The following NOVA1 variants were observed in gnomAD, a reference collection of about 807,000 sequenced individuals.
NOVA1 encodes NOVA alternative splicing regulator 1.
NOVA1 carries 7 observed loss-of-function variants against 38.0 expected under a neutral mutation model. The observed-to-expected ratio is 0.18, with a 90% CI of 0.10 to 0.35. NOVA1 has a LOEUF of 0.35. NOVA1 is among the 10% of genes least tolerant of loss of function. The pLI is 1.00. For synonymous variants in NOVA1, 270 were observed against 232.5 expected, an observed-to-expected ratio of 1.16 and a Z score of -1.47; for missense variants, 460 against 616.0, an observed-to-expected ratio of 0.75 and a Z score of 2.68.
rs1251536787 is a variant in NOVA1, at chr14:26,445,500, G to C, written c.*2459C>G. 6.6e-6 allele frequency: 1 copy of C among 152,068 alleles called. No homozygotes were observed. Among genetic ancestry groups the C allele is most frequent in the Non-Finnish European group, 1.5e-5 (1 of 68,016 alleles). 9.4% of individuals were successfully genotyped at this position (152,068 alleles called of 1,614,324 possible). ...AAAATTCCCATTTACAATTAAAATTGAACTAAGTGCATTTTCAGCAACACT... is the reference window on the plus strand; with the variant it reads ...AAAATTCCCATTTACAATTAAAATTCAACTAAGTGCATTTTCAGCAACACT... On this transcript the variant is annotated 3_prime_UTR_variant, in exon 5 of 5. Transcript: ENST00000539517.
chr14:26,587,583 T>C (rs9323839), intron 2 of NOVA1, among the ~76,000 whole-genome samples: 2 of 150,768 alleles, frequency 1.3e-5, no homozygotes, highest in East Asian at 3.9e-4. Context: ...AAAGAAATCA[T>C]CATCATAGAA....
intron 2 of NOVA1, among the ~76,000 whole-genome samples, chr14:26,529,978 G>A (rs537754518): frequency 1.3e-5 from 2 of 152,166 alleles, no homozygotes; most frequent in South Asian, 2.1e-4. Context: ...GGAGAGCAGT[G>A]GCGCGATCTC....
Position 26,447,967 on chromosome 14 carries a change from C to T in NOVA1, c.1516G>A (p.Val506Met). ...QGVRAANPQK[V>M]G ...ATGTGTAACTGGGGCACTCAACCCA[C>T]TTTCTGAGGATTGGCAGCCCGAACT... The change falls in exon 5 of 5, where the codon GTG becomes ATG. Residue 506 changes from valine to methionine, a missense_variant. Physicochemically the swap from Val to Met is conservative, Grantham distance 21. Transcript: ENST00000539517. 2 of 1,613,896 alleles carry T rather than the reference C, an allele frequency of 1.2e-6. No homozygotes were observed. The highest frequency in any genetic ancestry group is 8.5e-7 in the Non-Finnish European group (1 of 1,179,834).
chr14:26,474,182 A>C (rs1884800808), intron 3 of NOVA1, among the ~76,000 whole-genome samples: 1 of 152,042 alleles, frequency 6.6e-6, no homozygotes, highest in Non-Finnish European at 1.5e-5. Flanking sequence ...AGTATGTGTT[A>C]AATCTAGAGA....
intron 2 of NOVA1, among the ~76,000 whole-genome samples, chr14:26,497,949 AG>A (rs1403267012): frequency 1.3e-5 from 2 of 152,250 alleles, no homozygotes; most frequent in African/African-American, 4.8e-5. Context: ...TTAAATTATC[AG>A]ACCAAATTAT....
At chr14:26,491,660 C>T (rs182274051) in intron 2 of NOVA1, among the ~76,000 whole-genome samples, 25 of 152,250 alleles carry the variant, frequency 1.6e-4, no homozygotes, top group Admixed American at 3.9e-4. Context: ...TCCACTCTTG[C>T]ATGTGGAAAT....
intron 2 of NOVA1, among the ~76,000 whole-genome samples, chr14:26,487,094 C>T (rs1425195642): frequency 6.6e-6 from 1 of 152,032 alleles, no homozygotes; most frequent in Non-Finnish European, 1.5e-5. Context: ...GCAAAAGTCT[C>T]ATTTATGAGT....
intron 2 of NOVA1, among the ~76,000 whole-genome samples, chr14:26,547,918 T>C (rs1890896447): frequency 6.6e-6 from 1 of 152,086 alleles, no homozygotes; most frequent in Non-Finnish European, 1.5e-5. Context: ...TAAGCCTCAT[T>C]ACAATATGAG....
chr14:26,504,921 C>T (rs903672724), intron 2 of NOVA1, among the ~76,000 whole-genome samples: 3 of 152,114 alleles, frequency 2.0e-5, no homozygotes, highest in African/African-American at 4.8e-5. Flanking sequence ...TAATTTTTTG[C>T]ACTCTCTCTT....
At chr14:26,463,080 G>T (rs1883823472) in intron 4 of NOVA1, among the ~76,000 whole-genome samples, 1 of 152,110 alleles carries the variant, frequency 6.6e-6, no homozygotes, top group Non-Finnish European at 1.5e-5. Flanking sequence ...AGTTTATGCA[G>T]ATCTAACTCA....
At chr14:26,460,642 C>T (rs1883582554) in intron 4 of NOVA1, among the ~76,000 whole-genome samples, 1 of 151,662 alleles carries the variant, frequency 6.6e-6, no homozygotes, top group Admixed American at 6.6e-5. Flanking sequence ...CGGAAAAATT[C>T]AATGATAAAA....
rs1882088130 is a variant in NOVA1, at chr14:26,446,531, A to C, written c.*1428T>G. The C allele has an allele frequency of 1.3e-5, 2 of 152,718 alleles. No homozygotes were observed. The highest frequency in any genetic ancestry group is 6.5e-5 in the Admixed American group (1 of 15,276). 9.5% of individuals were successfully genotyped at this position (152,718 alleles called of 1,614,324 possible). A position where few individuals can be genotyped will look rare whatever the true frequency, so the allele number is the denominator to read the frequency against. On this transcript the variant is annotated 3_prime_UTR_variant, in exon 5 of 5. Transcript: ENST00000539517. ...TCAGTTGCTCAGCCAGATGATCCAG[A>C]GGTAGCCAGCATTTTATTTTTGTCC...
intron 2 of NOVA1, among the ~76,000 whole-genome samples, chr14:26,551,685 CTT>C (rs1442278681): frequency 2.6e-5 from 4 of 151,882 alleles, no homozygotes; most frequent in Non-Finnish European, 4.4e-5. Flanking sequence ...ATTTATCAGT[CTT>C]TTATTTATAT....
chr14:26,586,476 T>C (rs1402386753), intron 2 of NOVA1, among the ~76,000 whole-genome samples: 1 of 151,182 alleles, frequency 6.6e-6, no homozygotes, highest in Non-Finnish European at 1.5e-5. Context: ...TTCACCCAAA[T>C]ACACTATACT....
intron 4 of NOVA1, among the ~76,000 whole-genome samples, chr14:26,458,958 A>C (rs1883423805): frequency 6.6e-6 from 1 of 152,116 alleles, no homozygotes; most frequent in Non-Finnish European, 1.5e-5. Flanking sequence ...TACGAAGCAA[A>C]AAGTTATACT....
At chr14:26,528,363 A>G (rs573443581) in intron 2 of NOVA1, among the ~76,000 whole-genome samples, 3 of 152,276 alleles carry the variant, frequency 2.0e-5, no homozygotes, top group Admixed American at 2.0e-4. Flanking sequence ...AAGGAGCAAA[A>G]GATGTTCTAA....
chr14:26,472,336 G>T lies in NOVA1; in HGVS notation c.503C>A (p.Thr168Asn), dbSNP rs767708143. The T allele has an allele frequency of 6.9e-6, 11 of 1,595,998 alleles. No homozygotes were observed. The highest frequency in any genetic ancestry group is 1.1e-5 in the South Asian group (1 of 88,472). The change falls in exon 4 of 5, where the codon ACC (threonine) becomes AAC (asparagine). Residue 168 changes from threonine to asparagine, a missense_variant. Transcript: ENST00000539517. The part of the protein sequence containing the change: ...TKSSPSDPMT[T>N]SRANQVKIIV... ...ATACTGTACCTGATTAGCTCTGGAG[G>T]TGGTCATGGGATCAGATGGAGAGGA...
chr14:26,572,758 G>GTGTA, intron 2 of NOVA1, among the ~76,000 whole-genome samples: 1 of 148,710 alleles, frequency 6.7e-6, no homozygotes, highest in South Asian at 2.1e-4. Context: ...GTGTGTGTGT[G>GTGTA]TGTGTGTATG....
intron 4 of NOVA1, chr14:26,470,127 G>C: frequency 1.5e-6 from 1 of 646,370 alleles, no homozygotes; most frequent in African/African-American, 1.8e-5. Context: ...ATAGTTTTCT[G>C]TATTTTTTAT....
Sources: gnomAD v4.1 joint callset for allele counts (sites outside exome capture counted in the v4.1 genomes callset) on GRCh38, gnomAD v4.1.1 for gene constraint, MANE v1.5 for transcripts, NCBI Gene and HGNC (gene_info 2026-07-23, HGNC 2026-07-21) for gene names.